Variants in URB1 observed in about 807,000 individuals in gnomAD.
URB1 encodes URB1 ribosome biogenesis factor.
In URB1, 197 loss-of-function variants were observed where a neutral mutation model predicts 242.3. The ratio of observed to expected loss-of-function variants is 0.81; its 90% CI spans 0.72 to 0.91. The LOEUF is 0.91. Among genes scored for constraint, URB1 ranks in the 40% least tolerant of loss-of-function variants. URB1 has a pLI of 0.00. For missense variants in URB1, 2,721 were observed against 2,860.5 expected (o/e 0.95, Z 1.11); for synonymous variants, 1,153 against 1,201.8 (o/e 0.96, Z 0.84).
chr21:32,348,319 G>A (rs1310027625), intron 21 of URB1, among the ~76,000 whole-genome samples: 1 of 152,170 alleles, frequency 6.6e-6, no homozygotes, highest in African/African-American at 2.4e-5. Context: ...GTTTAGATGA[G>A]ACCATGTGTC....
At chr21:32,382,125 C>T (rs139248974) in intron 4 of URB1, among the ~76,000 whole-genome samples, 2 of 152,090 alleles carry the variant, frequency 1.3e-5, no homozygotes, top group South Asian at 2.1e-4. Flanking sequence ...CCCTTTCCCA[C>T]GCTGTCTGGG....
chr21:32,392,786 G>T lies in URB1; in HGVS notation c.125C>A (p.Pro42Gln). 6.7e-7 allele frequency: 1 copy of T among 1,490,092 alleles called. No individual in the cohort carries two copies. Among genetic ancestry groups the T allele is most frequent in the Non-Finnish European group, 8.9e-7 (1 of 1,119,798 alleles). 92.3% of individuals were successfully genotyped at this position (1,490,092 alleles called of 1,614,324 possible). The change falls in exon 1 of 39, where the codon CCG becomes CAG. Residue 42 changes from proline to glutamine, a missense_variant. Coordinates refer to ENST00000382751, the MANE Select transcript of URB1 (RefSeq NM_014825.3). ...GVRFKAQLKD[P>Q]QGPGPGLEAF... ...GGACTCACCTGGCCCGGGGCCCTGC[G>T]GGTCCTTCAGCTGAGCCTTGAACCG...
At chr21:32,336,891 C>T (rs2032965615) in intron 28 of URB1, among the ~76,000 whole-genome samples, 1 of 152,190 alleles carries the variant, frequency 6.6e-6, no homozygotes, top group African/African-American at 2.4e-5. Flanking sequence ...CTGCAGTGGC[C>T]CTGCCCAGAT....
chr21:32,362,710 C>A (rs976435178), intron 11 of URB1, among the ~76,000 whole-genome samples: 19 of 152,168 alleles, frequency 1.2e-4, no homozygotes, highest in South Asian at 2.1e-4. Flanking sequence ...TTTACAGAAG[C>A]CTGGTCTTCA....
chr21:32,372,489 A>G lies in URB1; in HGVS notation c.1001+18T>C. 6.5e-7 allele frequency: 1 copy of G among 1,549,788 alleles called. No homozygotes were observed. Among genetic ancestry groups the G allele is most frequent in the Non-Finnish European group, 8.7e-7 (1 of 1,146,702 alleles). ...GGAACATACACACCCTGGGGTCCAC[A>G]AGAGTGTTATACTTTACCTGCCAAA... On this transcript the variant is annotated intron_variant, in intron 8 of 38. Transcript: ENST00000382751.
intron 14 of URB1, among the ~76,000 whole-genome samples, chr21:32,358,087 T>C (rs897259066): frequency 1.3e-5 from 2 of 152,156 alleles, no homozygotes; most frequent in Non-Finnish European, 1.5e-5. Flanking sequence ...ACACACAGTA[T>C]GCTGCCAGGT....
chr21:32,311,826 A>T lies in URB1; in HGVS notation c.*3092T>A, dbSNP rs2032582720. ...GAGCTCAGTGGAGCCAGGGAGCAGA[A>T]CTGGCCCTGACCAGCCGCTACGACA... On this transcript the variant is annotated 3_prime_UTR_variant, in exon 39 of 39. Coordinates refer to ENST00000382751, the MANE Select transcript of URB1 (RefSeq NM_014825.3). The T allele has an allele frequency of 1.9e-6, 3 of 1,613,764 alleles. No individual in the cohort carries two copies. The highest frequency in any genetic ancestry group is 2.5e-6 in the Non-Finnish European group (3 of 1,180,050).
chr21:32,345,306 A>C (rs2123576266), intron 23 of URB1, 68 bp downstream of exon 23: 1 of 1,484,538 alleles, frequency 6.7e-7, no homozygotes. Context: ...TCAATGACTT[A>C]CTCTATGAAT....
intron 13 of URB1, 75 bp downstream of exon 13, chr21:32,360,932 T>TGGAC: frequency 9.3e-7 from 1 of 1,079,248 alleles, no homozygotes; most frequent in Non-Finnish European, 1.3e-6. Flanking sequence ...GCCTTCCTGA[T>TGGAC]TCTTGGCTGC....
chr21:32,368,406 G>A lies in URB1; in HGVS notation c.1194C>T (p.Asn398=). 5 of 1,540,294 alleles carry A rather than the reference G, an allele frequency of 3.2e-6. No homozygotes were observed. In the South Asian group the frequency reaches 6.1e-5, roughly 19 times the overall value. The part of the protein sequence containing the change: ...STWLNNIKLL[N]KIYEAQPEIS... ...TTTAAATATCATGTTTTTTTACCTT[G>A]TTTAGTAGTTTGATATTATTTAACC... The change falls in exon 9 of 39, where the codon AAC becomes AAT. Residue 398 remains asparagine (N), a synonymous_variant. Transcript: ENST00000382751.
intron 15 of URB1, among the ~76,000 whole-genome samples, chr21:32,355,866 C>T (rs545546889): frequency 7.9e-5 from 12 of 152,180 alleles, no homozygotes; most frequent in Admixed American, 3.3e-4. Flanking sequence ...CTACCTTGGC[C>T]TCCCAAAGTG....
rs545238895 is a variant in URB1, at chr21:32,370,310, TAGAA to T, written c.1002-1716_1002-1713del. Among the ~76,000 whole-genome samples the T allele has an allele frequency of 1.2e-3, 188 of 152,182 alleles. 1 individual carries two copies. The highest frequency in any genetic ancestry group is 4.0e-3 in the African/African-American group (168 of 41,528). ...AAAAAAAGTTTTTTAAAAACCAAAT[TAGAA>T]AGTATAATTTTGATCAGAAAAACTA... On this transcript the variant is annotated intron_variant, in intron 8 of 38. Coordinates refer to ENST00000382751, the MANE Select transcript of URB1 (RefSeq NM_014825.3).
chr21:32,333,142 G>A, intron 30 of URB1, 175 bp downstream of exon 30: 1 of 619,656 alleles, frequency 1.6e-6, no homozygotes, highest in South Asian at 1.9e-5. Context: ...AATACTAACT[G>A]TGACTTTGCT....
intron 34 of URB1, 113 bp downstream of exon 34, chr21:32,321,688 G>T: frequency 6.9e-7 from 1 of 1,453,822 alleles, no homozygotes; most frequent in Non-Finnish European, 9.2e-7. Flanking sequence ...GCCAGGGTTA[G>T]GTCGGTCGTG....
At chr21:32,365,486 T>A (rs2033337222) in intron 10 of URB1, among the ~76,000 whole-genome samples, 2 of 151,614 alleles carry the variant, frequency 1.3e-5, no homozygotes, top group African/African-American at 4.8e-5. Flanking sequence ...AAAATAAAAA[T>A]AAATAAAAAA....
intron 24 of URB1, 100 bp downstream of exon 24, chr21:32,344,470 T>C (rs968561256): frequency 3.7e-6 from 5 of 1,353,224 alleles, no homozygotes; most frequent in Admixed American, 2.2e-5. Flanking sequence ...TACAGGGCCA[T>C]ATTCATGCCA....
intron 1 of URB1, among the ~76,000 whole-genome samples, chr21:32,391,810 C>T (rs967769095): frequency 7.4e-5 from 11 of 149,624 alleles, no homozygotes; most frequent in African/African-American, 2.5e-4. Context: ...ACTGGGAGTT[C>T]GAGGGCAGCC....
Position 32,314,569 on chromosome 21 carries a change from T to A in URB1, c.*349A>T, listed in dbSNP as rs1308830836. 2 of 1,613,900 alleles carry A rather than the reference T, an allele frequency of 1.2e-6. No homozygotes were observed. The highest frequency in any genetic ancestry group is 1.7e-6 in the Non-Finnish European group (2 of 1,179,848). Reference sequence around the variant, plus strand: ...ATTTCAGCTTTAACACAGATGAATCTCTTCTGCATTCAGAAGTGCTGCCTC... The same window carrying A: ...ATTTCAGCTTTAACACAGATGAATCACTTCTGCATTCAGAAGTGCTGCCTC... On this transcript the variant is annotated 3_prime_UTR_variant, in exon 39 of 39. Coordinates refer to ENST00000382751, the MANE Select transcript of URB1 (RefSeq NM_014825.3).
chr21:32,315,798 C>A (rs918212902), intron 38 of URB1, among the ~76,000 whole-genome samples: 2 of 152,304 alleles, frequency 1.3e-5, no homozygotes, highest in East Asian at 3.9e-4. Flanking sequence ...TCCCCAACTG[C>A]GGCCAGACCA....
Sources: allele counts gnomAD v4.1 joint callset (sites outside exome capture counted in the v4.1 genomes callset), GRCh38; gene constraint gnomAD v4.1.1; transcripts MANE v1.5; gene names NCBI Gene and HGNC (gene_info 2026-07-23, HGNC 2026-07-21).